The following PLEKHM3 variants were observed in gnomAD, a reference collection of about 807,000 sequenced individuals.
The protein encoded by PLEKHM3 is pleckstrin homology domain-containing family M member 3.
A neutral mutation model predicts 81.8 loss-of-function variants in PLEKHM3; 45 were observed. The ratio of observed to expected loss-of-function variants is 0.55; its 90% CI spans 0.43 to 0.71. The LOEUF is 0.71. Ranked by LOEUF, PLEKHM3 falls within the 30% of genes least tolerant of loss-of-function variation. The pLI, the probability that PLEKHM3 is intolerant of heterozygous loss-of-function variation, is 0.00. For synonymous variants in PLEKHM3, 352 were observed against 356.4 expected (o/e 0.99, Z 0.14); for missense variants, 788 against 924.3 (o/e 0.85, Z 1.91).
chr2:207,905,930 A>T (rs1688588113), intron 6 of PLEKHM3, among the ~76,000 whole-genome samples: 1 of 152,138 alleles, frequency 6.6e-6, no homozygotes, highest in Non-Finnish European at 1.5e-5. Flanking sequence ...TTAAAGGAGG[A>T]AAAAAAGAAA....
At chr2:207,841,380 GC>G (rs2092350830) in intron 7 of PLEKHM3, among the ~76,000 whole-genome samples, 1 of 136,908 alleles carries the variant, frequency 7.3e-6, no homozygotes, top group Non-Finnish European at 1.5e-5. Flanking sequence ...CGCGATAATC[GC>G]TTCAACCTGG....
intron 2 of PLEKHM3, among the ~76,000 whole-genome samples, chr2:207,981,269 A>G (rs1691515235): frequency 6.6e-6 from 1 of 152,142 alleles, no homozygotes. Context: ...GTATGATATA[A>G]AAGTTATATA....
intron 6 of PLEKHM3, chr2:207,901,296 T>C: frequency 1.4e-6 from 1 of 703,080 alleles, no homozygotes. Flanking sequence ...GATTTGGCTG[T>C]AGTGCCTGGG....
intron 7 of PLEKHM3, among the ~76,000 whole-genome samples, chr2:207,844,325 C>T (rs2092371068): frequency 7.3e-6 from 1 of 136,238 alleles, no homozygotes; most frequent in South Asian, 2.3e-4. Flanking sequence ...TTTTTTGAGA[C>T]GGAGTCTCGC....
chr2:207,940,334 A>G (rs1468371395), intron 4 of PLEKHM3, among the ~76,000 whole-genome samples: 2 of 152,234 alleles, frequency 1.3e-5, no homozygotes, highest in Non-Finnish European at 2.9e-5. Context: ...AATATGTGAA[A>G]TTATGATGAG....
intron 1 of PLEKHM3, among the ~76,000 whole-genome samples, chr2:208,012,855 A>G (rs1440031230): frequency 6.6e-6 from 1 of 152,232 alleles, no homozygotes; most frequent in African/African-American, 2.4e-5. Flanking sequence ...TACTACTTCT[A>G]TTAGAAGTTA....
intron 5 of PLEKHM3, among the ~76,000 whole-genome samples, chr2:207,910,363 A>T (rs78000546): frequency 1.4e-4 from 21 of 152,316 alleles, no homozygotes; most frequent in African/African-American, 4.8e-4. Context: ...CAAGCACATG[A>T]CACAAATGAT....
chr2:207,914,818 A>C (rs1280500026), intron 5 of PLEKHM3, among the ~76,000 whole-genome samples: 1 of 152,232 alleles, frequency 6.6e-6, no homozygotes, highest in Admixed American at 6.5e-5. Context: ...TCCTTGTTGC[A>C]GAAGAGGCTG....
At chr2:207,950,186 T>C (rs936742423) in intron 3 of PLEKHM3, among the ~76,000 whole-genome samples, 1 of 152,202 alleles carries the variant, frequency 6.6e-6, no homozygotes, top group Non-Finnish European at 1.5e-5. Flanking sequence ...TTTACTTTCA[T>C]ACTTTATTTA....
intron 3 of PLEKHM3, among the ~76,000 whole-genome samples, chr2:207,961,572 T>A (rs904727156): frequency 1.9e-4 from 29 of 152,334 alleles, no homozygotes; most frequent in African/African-American, 6.7e-4. Context: ...CTGTGGTTGC[T>A]TTTATATCCA....
intron 3 of PLEKHM3, among the ~76,000 whole-genome samples, chr2:207,973,661 C>T (rs35086013): frequency 0.45 from 68,883 of 151,926 alleles, 18,894 homozygotes; most frequent in Non-Finnish European, 0.6. Flanking sequence ...ATCACTTGAA[C>T]CCAGGAGGCG....
At chr2:207,981,350 GTTTA>G (rs1327177265) in intron 2 of PLEKHM3, among the ~76,000 whole-genome samples, 3 of 151,982 alleles carry the variant, frequency 2.0e-5, no homozygotes, top group African/African-American at 7.2e-5. Flanking sequence ...TGGATCTGAA[GTTTA>G]TTTATTTGAG....
chr2:208,006,007 A>G (rs1314278116), intron 1 of PLEKHM3, among the ~76,000 whole-genome samples: 3 of 152,170 alleles, frequency 2.0e-5, no homozygotes, highest in Non-Finnish European at 1.5e-5. Flanking sequence ...AGGCTCTCAT[A>G]GCACCTGGGT....
chr2:207,873,758 G>A (rs1434109093), intron 6 of PLEKHM3, among the ~76,000 whole-genome samples: 1 of 152,166 alleles, frequency 6.6e-6, no homozygotes, highest in Non-Finnish European at 1.5e-5. Context: ...CATTTAATTA[G>A]TTAATGTTTA....
chr2:208,008,530 CA>C (rs1223544150), intron 1 of PLEKHM3, among the ~76,000 whole-genome samples: 2 of 104,162 alleles, frequency 1.9e-5, no homozygotes, highest in Non-Finnish European at 3.9e-5. Context: ...AAAAAACAGA[CA>C]AAAAAAAATG....
intron 2 of PLEKHM3, among the ~76,000 whole-genome samples, chr2:207,991,258 T>C (rs1371721948): frequency 6.6e-6 from 1 of 152,220 alleles, no homozygotes; most frequent in Non-Finnish European, 1.5e-5. Flanking sequence ...GACCCTCCCA[T>C]ACTTAGGCTG....
At chr2:208,023,580 G>C (rs536845023) in intron 1 of PLEKHM3, among the ~76,000 whole-genome samples, 32 of 152,230 alleles carry the variant, frequency 2.1e-4, no homozygotes, top group South Asian at 1.0e-3. Context: ...TCATAGGAGC[G>C]CAAACCTTAT....
intron 3 of PLEKHM3, among the ~76,000 whole-genome samples, chr2:207,956,534 T>TA (rs1230742864): frequency 8.0e-5 from 12 of 149,332 alleles, no homozygotes; most frequent in Middle Eastern, 3.4e-3. Context: ...AAAGTAAACT[T>TA]AAAAAAAAAA....
intron 6 of PLEKHM3, among the ~76,000 whole-genome samples, chr2:207,890,149 T>G (rs572989911): frequency 6.6e-6 from 1 of 152,178 alleles, no homozygotes; most frequent in African/African-American, 2.4e-5. Context: ...TTAGTGCTCA[T>G]AATTCTTGTC....
Sources: gnomAD v4.1 joint callset for allele counts (sites outside exome capture counted in the v4.1 genomes callset) on GRCh38, gnomAD v4.1.1 for gene constraint, MANE v1.5 for transcripts, NCBI Gene and HGNC (gene_info 2026-07-23, HGNC 2026-07-21) for gene names.